Variants in ST6GALNAC3 observed in about 807,000 individuals in gnomAD.
ST6GALNAC3 encodes ST6 N-acetylgalactosaminide alpha-2,6-sialyltransferase 3.
ST6GALNAC3 carries 25 observed loss-of-function variants against 32.7 expected under a neutral mutation model. That is an observed-to-expected ratio of 0.76 (90% CI 0.56 to 1.07). The LOEUF (loss-of-function observed/expected upper bound fraction) is 1.07. Among genes scored for constraint, ST6GALNAC3 ranks in the 50% least tolerant of loss-of-function variants. The pLI is 0.00. For synonymous variants in ST6GALNAC3, 129 were observed against 133.1 expected (o/e 0.97, Z 0.21); for missense variants, 355 against 382.4 (o/e 0.93, Z 0.60).
intron 1 of ST6GALNAC3, among the ~76,000 whole-genome samples, chr1:76,246,783 C>T (rs1657289097): frequency 6.6e-6 from 1 of 152,074 alleles, no homozygotes; most frequent in Non-Finnish European, 1.5e-5. Flanking sequence ...TTGTTATTAC[C>T]CACCTTCTGA....
chr1:76,099,964 C>T (rs1052280317), intron 1 of ST6GALNAC3, among the ~76,000 whole-genome samples: 40 of 151,910 alleles, frequency 2.6e-4, no homozygotes, highest in African/African-American at 8.7e-4. Flanking sequence ...AGAAATTTTT[C>T]ATATTTTTCA....
intron 1 of ST6GALNAC3, among the ~76,000 whole-genome samples, chr1:76,106,585 C>T (rs2100790146): frequency 6.6e-6 from 1 of 152,240 alleles, no homozygotes. Flanking sequence ...ACCCATGCTC[C>T]TCAAATGCTG....
intron 1 of ST6GALNAC3, among the ~76,000 whole-genome samples, chr1:76,239,727 A>G (rs114284430): frequency 0.015 from 2,264 of 152,282 alleles, 63 homozygotes; most frequent in African/African-American, 0.052. Flanking sequence ...ACATTTCAAC[A>G]TGAGATTTGG....
intron 3 of ST6GALNAC3, among the ~76,000 whole-genome samples, chr1:76,565,045 A>G (rs1004532894): frequency 3.3e-5 from 5 of 152,104 alleles, no homozygotes; most frequent in Admixed American, 6.5e-5. Context: ...TTCCGTTTCC[A>G]AAGATGATTG....
At chr1:76,309,226 T>A (rs1646705601) in intron 1 of ST6GALNAC3, among the ~76,000 whole-genome samples, 1 of 152,138 alleles carries the variant, frequency 6.6e-6, no homozygotes, top group African/African-American at 2.4e-5. Context: ...TGCACCAAGT[T>A]GTGACTCTTT....
chr1:76,198,857 A>G (rs1364736925), intron 1 of ST6GALNAC3, among the ~76,000 whole-genome samples: 1 of 152,182 alleles, frequency 6.6e-6, no homozygotes, highest in Non-Finnish European at 1.5e-5. Flanking sequence ...CCAATCAGCA[A>G]CTAGAGGGTA....
chr1:76,415,436 A>G (rs1654551823), intron 3 of ST6GALNAC3, among the ~76,000 whole-genome samples: 1 of 151,880 alleles, frequency 6.6e-6, no homozygotes, highest in Non-Finnish European at 1.5e-5. Context: ...TTTATTTACC[A>G]GTTTTAATGT....
At position 76,211,615 on chromosome 1, in the gene ST6GALNAC3, A is replaced by G. The variant is rs985022519; in HGVS notation, c.19-102190A>G. On this transcript the variant is annotated intron_variant, in intron 1 of 4. Coordinates refer to ENST00000328299, the MANE Select transcript of ST6GALNAC3 (RefSeq NM_152996.4). ...GGAATACTATGCAGCCATAAAAATGATGAGTTCATGTCCTTTGTAGGGACA... is the reference window on the plus strand; with the variant it reads ...GGAATACTATGCAGCCATAAAAATGGTGAGTTCATGTCCTTTGTAGGGACA... 5.1e-4 allele frequency among the ~76,000 whole-genome samples: 77 copies of G among 149,530 alleles called. 1 individual carries two copies. The highest frequency in any genetic ancestry group is 1.8e-3 in the African/African-American group (73 of 41,052).
rs530510328 is a variant in ST6GALNAC3, at chr1:76,188,116, C to T, written c.18+113232C>T. ...CGGTGGCTCACGCCTGTAAGCCCAGCACTTTGGGAGGCCGAGGTGGGTGGA... is the reference window on the plus strand; with the variant it reads ...CGGTGGCTCACGCCTGTAAGCCCAGTACTTTGGGAGGCCGAGGTGGGTGGA... On this transcript the variant is annotated intron_variant, in intron 1 of 4. Coordinates refer to ENST00000328299, the MANE Select transcript of ST6GALNAC3 (RefSeq NM_152996.4). Among the ~76,000 whole-genome samples, 3 of 152,270 alleles carry T rather than the reference C, an allele frequency of 2.0e-5. No individual in the cohort carries two copies. The South Asian group carries it at 6.2e-4, about 32-fold the overall frequency.
intron 2 of ST6GALNAC3, among the ~76,000 whole-genome samples, chr1:76,374,856 G>A (rs552536679): frequency 2.0e-5 from 3 of 152,202 alleles, no homozygotes; most frequent in Non-Finnish European, 4.4e-5. Context: ...TGCAAGAGCT[G>A]AGCTATTATT....
At chr1:76,551,414 C>G (rs533192496) in intron 3 of ST6GALNAC3, among the ~76,000 whole-genome samples, 3 of 152,282 alleles carry the variant, frequency 2.0e-5, no homozygotes, top group South Asian at 4.1e-4. Flanking sequence ...CAGAGGCCCA[C>G]ACATGTTTCT....
chr1:76,578,176 T>C (rs1646838963), intron 3 of ST6GALNAC3, among the ~76,000 whole-genome samples: 1 of 152,078 alleles, frequency 6.6e-6, no homozygotes, highest in Non-Finnish European at 1.5e-5. Context: ...CAGATGCTAA[T>C]GGGTATCTAA....
chr1:76,490,110 G>A (rs186635492), intron 3 of ST6GALNAC3, among the ~76,000 whole-genome samples: 69 of 152,218 alleles, frequency 4.5e-4, no homozygotes, highest in Non-Finnish European at 5.3e-4. Context: ...GGTCAGTTAG[G>A]CATCAGTCCT....
intron 3 of ST6GALNAC3, among the ~76,000 whole-genome samples, chr1:76,624,382 G>T (rs1486701355): frequency 6.6e-6 from 1 of 151,876 alleles, no homozygotes; most frequent in East Asian, 1.9e-4. Flanking sequence ...GATATATAGA[G>T]AAGCCACTAA....
At chr1:76,519,386 T>C (rs1181487467) in intron 3 of ST6GALNAC3, among the ~76,000 whole-genome samples, 2 of 152,182 alleles carry the variant, frequency 1.3e-5, no homozygotes, top group Non-Finnish European at 1.5e-5. Context: ...ATGAAGATAA[T>C]GGTATCAATC....
At chr1:76,265,081 C>G (rs1377696516) in intron 1 of ST6GALNAC3, among the ~76,000 whole-genome samples, 1 of 152,052 alleles carries the variant, frequency 6.6e-6, no homozygotes, top group Admixed American at 6.6e-5. Flanking sequence ...CAATAAAACT[C>G]AAGGTCATTT....
chr1:76,088,608 C>T (rs985939411), intron 1 of ST6GALNAC3, among the ~76,000 whole-genome samples: 5 of 152,056 alleles, frequency 3.3e-5, no homozygotes, highest in African/African-American at 7.2e-5. Context: ...CTGTTCTCTC[C>T]TCAATCACTC....
intron 2 of ST6GALNAC3, among the ~76,000 whole-genome samples, chr1:76,371,767 C>A (rs1437315013): frequency 2.0e-5 from 3 of 152,156 alleles, no homozygotes; most frequent in African/African-American, 7.2e-5. Flanking sequence ...TGGAAGGATT[C>A]TTGTATGAAA....
chr1:76,247,258 C>T (rs1427373106), intron 1 of ST6GALNAC3, among the ~76,000 whole-genome samples: 1 of 152,194 alleles, frequency 6.6e-6, no homozygotes, highest in Non-Finnish European at 1.5e-5. Flanking sequence ...GGAGGTCTCT[C>T]ACAGTCAGGA....
Sources: gnomAD v4.1 joint callset for allele counts (sites outside exome capture counted in the v4.1 genomes callset) on GRCh38, gnomAD v4.1.1 for gene constraint, MANE v1.5 for transcripts, NCBI Gene and HGNC (gene_info 2026-07-23, HGNC 2026-07-21) for gene names.